The following ATF7 variants were observed in gnomAD, a reference collection of about 807,000 sequenced individuals.
ATF7 encodes the protein activating transcription factor 7, also known as cyclic AMP-dependent transcription factor ATF-7.
In ATF7, 10 loss-of-function variants were observed where a neutral mutation model predicts 50.4. The ratio of observed to expected loss-of-function variants is 0.20; its 90% confidence interval spans 0.12 to 0.34. The LOEUF (loss-of-function observed/expected upper bound fraction) is 0.34. ATF7 is among the 10% of genes least tolerant of loss of function. The probability of loss-of-function intolerance (pLI) is 1.00; values close to 1 mark genes in which losing one functional copy is unlikely to be tolerated. For synonymous variants in ATF7, 201 were observed against 226.4 expected, an observed-to-expected ratio of 0.89 and a Z score of 1.01; for missense variants, 465 against 613.9, an observed-to-expected ratio of 0.76 and a Z score of 2.56.
At chr12:53,541,382 C>A (rs573869580) in intron 4 of ATF7, among the ~76,000 whole-genome samples, 1 of 152,156 alleles carries the variant, frequency 6.6e-6, no homozygotes, top group Admixed American at 6.5e-5. Flanking sequence ...TCCAGAAAAT[C>A]AGGAACACAG....
intron 2 of ATF7, 34 bp downstream of exon 2, chr12:53,600,919 G>A (rs200033528): frequency 6.8e-6 from 11 of 1,606,478 alleles, no homozygotes; most frequent in Non-Finnish European, 6.8e-6. Flanking sequence ...GATTCACAAC[G>A]AGACATTCAC....
At position 53,606,352 on chromosome 12, in the gene ATF7, G is replaced by A. The variant is rs141013646; in HGVS notation, c.-21-5331C>T. Reference sequence around the variant, plus strand: ...CAACCTCTGCCTCCCGGATTCAAGCGATTCTCCTACCTCAGCCTCCCAAGT... The same window carrying A: ...CAACCTCTGCCTCCCGGATTCAAGCAATTCTCCTACCTCAGCCTCCCAAGT... On this transcript the variant is annotated intron_variant, in intron 1 of 11. Transcript: ENST00000420353. Among the ~76,000 whole-genome samples, 593 of 152,030 alleles carry A rather than the reference G, an allele frequency of 3.9e-3. 2 individuals carry two copies. The highest frequency in any genetic ancestry group is 0.013 in the African/African-American group (553 of 41,466).
At chr12:53,509,478 G>A (rs538725760), downstream of ATF7, among the ~76,000 whole-genome samples, 7 of 151,038 alleles carry the variant, frequency 4.6e-5, no homozygotes, top group South Asian at 1.5e-3. Flanking sequence ...TATTTTTGAA[G>A]AGAGAGTTCA....
intron 2 of ATF7, among the ~76,000 whole-genome samples, chr12:53,583,549 C>G (rs1428248081): frequency 6.6e-6 from 1 of 151,930 alleles, no homozygotes; most frequent in African/African-American, 2.4e-5. Flanking sequence ...GAATCCCCCC[C>G]ACCCCCAGTC....
intron 2 of ATF7, 91 bp from the exon 3 acceptor site, chr12:53,552,728 T>A (rs1940458893): frequency 1.1e-6 from 1 of 948,914 alleles, no homozygotes; most frequent in East Asian, 2.5e-5. Context: ...CATCTTGCAA[T>A]GAGATTGGTC....
chr12:53,551,496 A>G (rs778258514), intron 3 of ATF7, among the ~76,000 whole-genome samples: 4 of 152,220 alleles, frequency 2.6e-5, no homozygotes, highest in Non-Finnish European at 5.9e-5. Flanking sequence ...ATTGACGACA[A>G]TGTTCCCATT....
chr12:53,573,330 C>G (rs1403546085), intron 2 of ATF7, among the ~76,000 whole-genome samples: 2 of 152,048 alleles, frequency 1.3e-5, no homozygotes, highest in African/African-American at 4.8e-5. Flanking sequence ...TACCAAAATC[C>G]ACAGATACTC....
intron 1 of ATF7, among the ~76,000 whole-genome samples, chr12:53,605,040 T>C (rs1344859411): frequency 6.6e-6 from 1 of 152,172 alleles, no homozygotes; most frequent in East Asian, 1.9e-4. Flanking sequence ...TTTATCAAAT[T>C]ATTTTGCTAG....
At chr12:53,604,021 T>G (rs2137838194) in intron 1 of ATF7, among the ~76,000 whole-genome samples, 1 of 152,368 alleles carries the variant, frequency 6.6e-6, no homozygotes, top group East Asian at 1.9e-4. Context: ...GCAGATCATG[T>G]GTCTGGGCAT....
intron 9 of ATF7, among the ~76,000 whole-genome samples, chr12:53,526,386 T>C (rs1186697996): frequency 6.6e-6 from 1 of 152,052 alleles, no homozygotes; most frequent in Non-Finnish European, 1.5e-5. Context: ...GATACTCCAC[T>C]TCTATTTTAA....
intron 4 of ATF7, chr12:53,542,925 C>G: frequency 9.6e-7 from 1 of 1,041,282 alleles, no homozygotes; most frequent in Non-Finnish European, 1.2e-6. Flanking sequence ...CTTGCTGATT[C>G]AAAAAAACAG....
At chr12:53,617,065 C>G (rs1239417184) in intron 1 of ATF7, among the ~76,000 whole-genome samples, 1 of 152,070 alleles carries the variant, frequency 6.6e-6, no homozygotes, top group Non-Finnish European at 1.5e-5. Flanking sequence ...CTTTGTTGCC[C>G]AGGCTGGAGT....
chr12:53,558,709 GA>G (rs1940903692), intron 2 of ATF7, among the ~76,000 whole-genome samples: 1 of 151,958 alleles, frequency 6.6e-6, no homozygotes, highest in African/African-American at 2.4e-5. Context: ...CCCTTATGAA[GA>G]AAAAAAGTAG....
At chr12:53,531,614 G>T in intron 9 of ATF7, 130 bp downstream of exon 9, 1 of 1,032,884 alleles carries the variant, frequency 9.7e-7, no homozygotes, top group South Asian at 2.1e-5. Flanking sequence ...CTGCCATCAA[G>T]AACCAAAGTA....
At chr12:53,586,033 T>C (rs1301305325) in intron 2 of ATF7, among the ~76,000 whole-genome samples, 1 of 152,140 alleles carries the variant, frequency 6.6e-6, no homozygotes, top group Non-Finnish European at 1.5e-5. Context: ...TATGCATAAC[T>C]GAAAGTACAA....
intron 2 of ATF7, among the ~76,000 whole-genome samples, chr12:53,591,355 G>C (rs771081827): frequency 6.6e-6 from 1 of 152,148 alleles, no homozygotes; most frequent in Non-Finnish European, 1.5e-5. Context: ...AATAACTAAA[G>C]ACAGGAAAGA....
intron 2 of ATF7, among the ~76,000 whole-genome samples, chr12:53,567,721 T>C (rs1941521191): frequency 6.6e-6 from 1 of 152,220 alleles, no homozygotes; most frequent in Non-Finnish European, 1.5e-5. Context: ...TCTTGCCTAA[T>C]GGTAGACCTT....
At chr12:53,549,585 T>G (rs916836765) in intron 3 of ATF7, among the ~76,000 whole-genome samples, 1 of 151,954 alleles carries the variant, frequency 6.6e-6, no homozygotes, top group African/African-American at 2.4e-5. Flanking sequence ...GTATTTTTTT[T>G]GTTTGTTTTT....
chr12:53,593,576 T>C (rs903743763), intron 2 of ATF7, among the ~76,000 whole-genome samples: 1 of 152,204 alleles, frequency 6.6e-6, no homozygotes, highest in African/African-American at 2.4e-5. Flanking sequence ...TTCTTTTCCT[T>C]TCTAAATGGC....
Sources: allele counts gnomAD v4.1 joint callset (sites outside exome capture counted in the v4.1 genomes callset), GRCh38; gene constraint gnomAD v4.1.1; transcripts MANE v1.5; gene names NCBI Gene and HGNC (gene_info 2026-07-23, HGNC 2026-07-21).